ZFAND4: variants seen among roughly 807,000 people sequenced by gnomAD.
ZFAND4 encodes AN1-type zinc finger protein 4.
Under a neutral mutation model 64.4 loss-of-function variants are expected in ZFAND4, and 43 were observed. The ratio of observed to expected loss-of-function variants is 0.67; its 90% CI spans 0.52 to 0.86. The LOEUF (loss-of-function observed/expected upper bound fraction) is 0.86, where lower values mean the gene tolerates loss of function less well. Ranked by LOEUF, ZFAND4 falls within the 40% of genes least tolerant of loss-of-function variation. The pLI, the probability that ZFAND4 is intolerant of heterozygous loss-of-function variation, is 0.00. For synonymous variants in ZFAND4, 296 were observed against 305.7 expected (o/e 0.97, Z 0.33); for missense variants, 929 against 859.8 (o/e 1.08, Z -1.01).
intron 8 of ZFAND4, among the ~76,000 whole-genome samples, chr10:45,622,923 A>C (rs2045539788): frequency 6.6e-6 from 1 of 152,116 alleles, no homozygotes; most frequent in Non-Finnish European, 1.5e-5. Flanking sequence ...GAAAAAAAAA[A>C]CATGAAAAGA....
At chr10:45,666,828 G>A (rs1337256622) in intron 1 of ZFAND4, among the ~76,000 whole-genome samples, 1 of 152,154 alleles carries the variant, frequency 6.6e-6, no homozygotes, top group Admixed American at 6.5e-5. Flanking sequence ...CTGTAAATGT[G>A]AAGGTTTATT....
chr10:45,632,153 G>C (rs2046267085), intron 6 of ZFAND4, among the ~76,000 whole-genome samples: 2 of 152,068 alleles, frequency 1.3e-5, no homozygotes, highest in Non-Finnish European at 2.9e-5. Flanking sequence ...AGGAGTTCGA[G>C]ACCAGCCTGG....
At chr10:45,642,480 G>A (rs2047075806) in intron 5 of ZFAND4, among the ~76,000 whole-genome samples, 1 of 151,658 alleles carries the variant, frequency 6.6e-6, no homozygotes, top group African/African-American at 2.4e-5. Flanking sequence ...GGTGGCGGGT[G>A]CCTGTAGTCC....
rs144070926 is a variant in ZFAND4, at chr10:45,636,187, ATACT to A, written c.717+3625_717+3628del. On this transcript the variant is annotated intron_variant, in intron 6 of 9. Coordinates refer to ENST00000344646, the MANE Select transcript of ZFAND4 (RefSeq NM_174890.4). The stretch of plus-strand genomic sequence containing the variant: ...CAGAATATTTTTATTCAGTGAAAAA[ATACT>A]TACTTCTCTTTGGACTTCTTGACTA... Among the ~76,000 whole-genome samples, 608 of 152,360 alleles carry A rather than the reference ATACT, an allele frequency of 4.0e-3. 11 individuals carry two copies. The East Asian group carries it at 0.051, about 13-fold the overall frequency.
At chr10:45,621,268 T>C (rs1009651243) in intron 8 of ZFAND4, among the ~76,000 whole-genome samples, 3 of 152,026 alleles carry the variant, frequency 2.0e-5, no homozygotes, top group African/African-American at 7.2e-5. Flanking sequence ...AAAATGTATA[T>C]AGACTCTTCT....
At chr10:45,624,712 T>A in intron 7 of ZFAND4, 75 bp from the exon 8 acceptor site, 1 of 1,242,598 alleles carries the variant, frequency 8.0e-7, no homozygotes, top group Non-Finnish European at 1.2e-6. Flanking sequence ...ATGAAATACT[T>A]GTATTTTATC....
At chr10:45,635,219 A>C (rs1289126083) in intron 6 of ZFAND4, among the ~76,000 whole-genome samples, 3 of 138,952 alleles carry the variant, frequency 2.2e-5, no homozygotes, top group Non-Finnish European at 3.2e-5. Flanking sequence ...AAAAACAAAA[A>C]AAAAACAAAC....
At chr10:45,665,119 G>A (rs1402043774) in intron 1 of ZFAND4, among the ~76,000 whole-genome samples, 2 of 152,116 alleles carry the variant, frequency 1.3e-5, no homozygotes, top group Non-Finnish European at 2.9e-5. Flanking sequence ...TATAGAACTA[G>A]GAGCACAAAA....
Position 45,616,119 on chromosome 10 carries a change from C to G in ZFAND4, c.*317G>C. 1 of 255,036 alleles carries G rather than the reference C, an allele frequency of 3.9e-6. No homozygotes were observed. Among genetic ancestry groups the G allele is most frequent in the Non-Finnish European group, 7.5e-6 (1 of 133,026 alleles). 15.8% of individuals were successfully genotyped at this position (255,036 alleles called of 1,614,324 possible). A position where few individuals can be genotyped will look rare whatever the true frequency, so the allele number is the denominator to read the frequency against. On this transcript the variant is annotated 3_prime_UTR_variant, in exon 10 of 10. Transcript: ENST00000344646. ...AAGCCTGGTTATTTAGGAAATATTT[C>G]GTTTCCTAAAGTGCATCTTTTGAAG...
chr10:45,622,244 GAGGA>G (rs974762208), intron 8 of ZFAND4, among the ~76,000 whole-genome samples: 66 of 152,312 alleles, frequency 4.3e-4, no homozygotes, highest in African/African-American at 1.5e-3. Context: ...ACCATTCAAT[GAGGA>G]AGGACAGTGT....
At position 45,653,266 on chromosome 10, in the gene ZFAND4, A is replaced by G. The variant is rs546006711; in HGVS notation, c.185-207T>C. On this transcript the variant is annotated intron_variant, in intron 2 of 9. Coordinates refer to ENST00000344646, the MANE Select transcript of ZFAND4 (RefSeq NM_174890.4). ...TAGTCCAATCCATTCACTGTAGAAA[A>G]GAACAGCATGTTGCAATAACTCTCT... 5.9e-5 allele frequency among the ~76,000 whole-genome samples: 9 copies of G among 152,342 alleles called. No individual in the cohort carries two copies. In the South Asian group the frequency reaches 1.7e-3, roughly 28 times the overall value.
intron 2 of ZFAND4, among the ~76,000 whole-genome samples, chr10:45,659,994 G>T (rs559579379): frequency 6.6e-6 from 1 of 151,904 alleles, no homozygotes; most frequent in Non-Finnish European, 1.5e-5. Context: ...TGACTAACAC[G>T]GTGAAACCCC....
At chr10:45,656,692 C>G (rs951761923) in intron 2 of ZFAND4, among the ~76,000 whole-genome samples, 1 of 151,894 alleles carries the variant, frequency 6.6e-6, no homozygotes, top group African/African-American at 2.4e-5. Flanking sequence ...ATTCCCCCAC[C>G]CAAATTCATA....
chr10:45,630,454 G>A (rs942426303), intron 6 of ZFAND4, among the ~76,000 whole-genome samples: 22 of 152,166 alleles, frequency 1.4e-4, no homozygotes, highest in Admixed American at 4.6e-4. Flanking sequence ...GGTATAGGCC[G>A]GGTGCGGTGG....
intron 6 of ZFAND4, among the ~76,000 whole-genome samples, chr10:45,638,511 A>C (rs2046776384): frequency 1.3e-5 from 2 of 151,452 alleles, no homozygotes. Context: ...ACAAAAAAAC[A>C]AAAAAACCAA....
At chr10:45,620,659 A>G (rs2133517715) in intron 8 of ZFAND4, 1 of 152,306 alleles carries the variant, frequency 6.6e-6, no homozygotes, top group South Asian at 2.1e-4. Flanking sequence ...AAACATATTG[A>G]TTCCCCACTA....
intron 1 of ZFAND4, among the ~76,000 whole-genome samples, chr10:45,666,168 C>T (rs1352662896): frequency 1.3e-5 from 2 of 152,158 alleles, no homozygotes; most frequent in Non-Finnish European, 2.9e-5. Context: ...ATTTTATAGT[C>T]CCATCAACAA....
Position 45,616,307 on chromosome 10 carries a change from C to T in ZFAND4, c.*129G>A. The stretch of plus-strand genomic sequence containing the variant: ...ATACAGTAGCATTCTTGTTCTCCAA[C>T]AGTATGCATTGTATGCTTTTGTTAT... On this transcript the variant is annotated 3_prime_UTR_variant, in exon 10 of 10. Transcript: ENST00000344646. The T allele has an allele frequency of 8.3e-7, 1 of 1,199,990 alleles. No homozygotes were observed. The highest frequency in any genetic ancestry group is 2.5e-5 in the East Asian group (1 of 40,056). The allele number at this position is 1,199,990 out of a possible 1,614,324, so 74.3% of individuals were successfully genotyped here.
chr10:45,652,435 C>CCTCT (rs2047818480), intron 3 of ZFAND4, among the ~76,000 whole-genome samples: 1 of 152,180 alleles, frequency 6.6e-6, no homozygotes, highest in African/African-American at 2.4e-5. Context: ...GCTCTTACAG[C>CCTCT]TATTCCACAC....
Sources: gnomAD v4.1 joint callset for allele counts (sites outside exome capture counted in the v4.1 genomes callset) on GRCh38, gnomAD v4.1.1 for gene constraint, MANE v1.5 for transcripts, NCBI Gene and HGNC (gene_info 2026-07-23, HGNC 2026-07-21) for gene names.